Variants in TTC28 observed in about 807,000 individuals in gnomAD.
TTC28 encodes the protein tetratricopeptide repeat domain 28.
TTC28 carries 61 observed loss-of-function variants against 198.0 expected under a neutral mutation model. The ratio of observed to expected loss-of-function variants is 0.31; its 90% confidence interval spans 0.25 to 0.38. The LOEUF (loss-of-function observed/expected upper bound fraction) is 0.38. Ranked by LOEUF, TTC28 falls within the 10% of genes least tolerant of loss-of-function variation. TTC28 has a pLI of 1.00. For missense variants in TTC28, 2,678 were observed against 3,164.0 expected, an observed-to-expected ratio of 0.85 and a Z score of 3.69; for synonymous variants, 1,171 against 1,297.8, an observed-to-expected ratio of 0.90 and a Z score of 2.10.
At chr22:27,995,325 T>C (rs929792566) in intron 17 of TTC28, among the ~76,000 whole-genome samples, 2 of 152,168 alleles carry the variant, frequency 1.3e-5, no homozygotes, top group Non-Finnish European at 2.9e-5. Flanking sequence ...GCATAACTGT[T>C]CACCCACGCT....
At chr22:28,654,671 TCACTGTGAAGTGTCATCTTA>T (rs1190392089) in intron 1 of TTC28, among the ~76,000 whole-genome samples, 1 of 152,162 alleles carries the variant, frequency 6.6e-6, no homozygotes, top group Non-Finnish European at 1.5e-5. Context: ...TTCCCTTCCC[TCACTGTGAAGTGTCATCTTA>T]CATCCTTTAG....
At chr22:28,496,423 A>G (rs893553190) in intron 2 of TTC28, among the ~76,000 whole-genome samples, 2 of 152,090 alleles carry the variant, frequency 1.3e-5, no homozygotes, top group Non-Finnish European at 2.9e-5. Context: ...CTAAAAGCCC[A>G]TTCCTCCAAT....
At chr22:28,648,131 G>C (rs2051502375) in intron 1 of TTC28, among the ~76,000 whole-genome samples, 1 of 147,950 alleles carries the variant, frequency 6.8e-6, no homozygotes, top group African/African-American at 2.5e-5. Context: ...GGCTGAGGCA[G>C]GAGAATGTCG....
intron 2 of TTC28, among the ~76,000 whole-genome samples, chr22:28,321,052 C>T (rs1263183381): frequency 6.6e-6 from 1 of 152,132 alleles, no homozygotes; most frequent in Non-Finnish European, 1.5e-5. Context: ...AGGAAATTCA[C>T]TTGAAAATAT....
intron 6 of TTC28, among the ~76,000 whole-genome samples, chr22:28,121,619 A>T (rs1942788831): frequency 6.6e-6 from 1 of 152,224 alleles, no homozygotes; most frequent in Non-Finnish European, 1.5e-5. Flanking sequence ...ATTGAAATTT[A>T]AAAAATTTCT....
At chr22:28,406,845 T>C (rs558984264) in intron 2 of TTC28, among the ~76,000 whole-genome samples, 1 of 152,290 alleles carries the variant, frequency 6.6e-6, no homozygotes, top group Non-Finnish European at 1.5e-5. Flanking sequence ...TGGGAAATGA[T>C]TTTGTTTTCA....
chr22:28,318,353 T>C (rs184422532), intron 2 of TTC28, among the ~76,000 whole-genome samples: 4 of 152,324 alleles, frequency 2.6e-5, no homozygotes, highest in East Asian at 3.9e-4. Context: ...AGAAGGCTTT[T>C]CTTGGTGCAC....
At chr22:28,594,832 C>T (rs754092288) in intron 2 of TTC28, among the ~76,000 whole-genome samples, 26 of 152,178 alleles carry the variant, frequency 1.7e-4, no homozygotes, top group Non-Finnish European at 3.2e-4. Context: ...AAAGTCTCTG[C>T]ATGTTAAATT....
At chr22:28,119,791 C>G (rs1425910422) in intron 6 of TTC28, among the ~76,000 whole-genome samples, 1 of 152,192 alleles carries the variant, frequency 6.6e-6, no homozygotes, top group Non-Finnish European at 1.5e-5. Context: ...AATTAATAAT[C>G]TGAAGAAACA....
intron 14 of TTC28, chr22:28,006,992 C>T (rs1419184215): frequency 2.0e-5 from 3 of 152,034 alleles, no homozygotes; most frequent in Admixed American, 6.6e-5. Flanking sequence ...CAGGGATTCA[C>T]AGTATCACAG....
chr22:28,002,528 TGA>T (rs1488563159), intron 14 of TTC28: 1 of 151,994 alleles, frequency 6.6e-6, no homozygotes, highest in Non-Finnish European at 1.5e-5. Flanking sequence ...GGCACTTGAC[TGA>T]GAGTGGCAGA....
intron 5 of TTC28, among the ~76,000 whole-genome samples, chr22:28,262,316 G>A (rs953892508): frequency 1.2e-4 from 18 of 152,124 alleles, no homozygotes; most frequent in African/African-American, 2.4e-4. Context: ...ATTTATAACC[G>A]ACACAATGTT....
chr22:28,327,844 G>A (rs1184434003), intron 2 of TTC28, among the ~76,000 whole-genome samples: 1 of 152,132 alleles, frequency 6.6e-6, no homozygotes, highest in Non-Finnish European at 1.5e-5. Context: ...AACCGTATCA[G>A]CTACTAGTCA....
At chr22:28,124,690 A>G (rs1295659489) in intron 6 of TTC28, among the ~76,000 whole-genome samples, 1 of 152,206 alleles carries the variant, frequency 6.6e-6, no homozygotes, top group Non-Finnish European at 1.5e-5. Context: ...TGTAAGCAAG[A>G]TACAGGAGAG....
At chr22:28,032,226 T>C (rs1490426186) in intron 12 of TTC28, among the ~76,000 whole-genome samples, 1 of 132,686 alleles carries the variant, frequency 7.5e-6, no homozygotes, top group Non-Finnish European at 1.5e-5. Context: ...ATAAAATATA[T>C]ATATATAAAA....
chr22:28,431,278 T>C (rs1342278806), intron 2 of TTC28, among the ~76,000 whole-genome samples: 1 of 152,170 alleles, frequency 6.6e-6, no homozygotes, highest in African/African-American at 2.4e-5. Flanking sequence ...TGATCACTTA[T>C]GATAAATTTG....
chr22:28,625,124 C>T (rs779991115), intron 2 of TTC28, among the ~76,000 whole-genome samples: 5 of 152,092 alleles, frequency 3.3e-5, no homozygotes, highest in African/African-American at 4.8e-5. Flanking sequence ...CAATGCTTTC[C>T]CACAAAGATC....
intron 12 of TTC28, among the ~76,000 whole-genome samples, chr22:28,055,867 C>T (rs556270324): frequency 1.9e-4 from 29 of 152,116 alleles, no homozygotes; most frequent in Non-Finnish European, 3.7e-4. Context: ...TTCCTTTCCC[C>T]CACTGGCCAC....
intron 2 of TTC28, among the ~76,000 whole-genome samples, chr22:28,368,875 A>G (rs937884291): frequency 2.0e-5 from 3 of 152,128 alleles, no homozygotes; most frequent in Non-Finnish European, 2.9e-5. Flanking sequence ...TAAAACACTG[A>G]TGAAAGAAAC....
Sources: gnomAD v4.1 joint callset for allele counts (sites outside exome capture counted in the v4.1 genomes callset) on GRCh38, gnomAD v4.1.1 for gene constraint, MANE v1.5 for transcripts, NCBI Gene and HGNC (gene_info 2026-07-23, HGNC 2026-07-21) for gene names.